Variants in PPAN observed in about 807,000 individuals in gnomAD.
The protein encoded by PPAN is peter pan homolog.
PPAN carries 39 observed loss-of-function variants against 48.5 expected under a neutral mutation model. The observed-to-expected ratio is 0.80, with a 90% CI of 0.62 to 1.05. The LOEUF (loss-of-function observed/expected upper bound fraction) is 1.05, where lower values mean the gene tolerates loss of function less well. Ranked by LOEUF, PPAN falls within the 50% of genes least tolerant of loss-of-function variation. The pLI is 0.00. For missense variants in PPAN, 736 were observed against 661.7 expected (o/e 1.11, Z -1.23); for synonymous variants, 315 against 268.6 (o/e 1.17, Z -1.69).
chr19:10,110,124 G>T lies in PPAN; in HGVS notation c.700G>T (p.Gly234Cys). The change falls in exon 8 of 12, where the codon GGC becomes TGC. Residue 234 changes from glycine (G) to cysteine (C), a missense_variant and splice_region_variant. Gly to Cys is a radical substitution (Grantham distance 159). Transcript: ENST00000253107. This position sits in a 1 kb window ranked among gnomAD's most constrained non-coding sequence, Gnocchi z 5.9. ...AGCCCTGTTATGTCCTACACACAGG[G>T]GCGCGGGGCTGTCGGAGAGCGAGGC... ...LQDISELLAT[G>C]AGLSESEAEP... 1.2e-6 allele frequency: 2 copies of T among 1,611,060 alleles called. No homozygotes were observed. Among genetic ancestry groups the T allele is most frequent in the Non-Finnish European group, 1.7e-6 (2 of 1,179,886 alleles).
Position 10,108,110 on chromosome 19 carries a change from G to T in PPAN, c.489G>T (p.Leu163=), listed in dbSNP as rs2088899767. Residue 163 remains leucine (L), a synonymous_variant, in exon 5 of 12, where the codon CTG becomes CTT. Transcript: ENST00000253107. ...TCATGGCCACCATGTTCCAGAACCT[G>T]TTCCCCTCCATCAACGTGCACAAGG... ...VKLMATMFQN[L]FPSINVHKVN... 22 of 1,612,700 alleles carry T rather than the reference G, an allele frequency of 1.4e-5. No individual in the cohort carries two copies. Among genetic ancestry groups the T allele is most frequent in the Non-Finnish European group, 1.9e-5 (22 of 1,179,280 alleles).
rs775091128 is a variant in PPAN, at chr19:10,110,683, A to G, written c.1032-14A>G. On this transcript the variant is annotated splice_polypyrimidine_tract_variant and intron_variant, in intron 10 of 11. Coordinates refer to ENST00000253107, the MANE Select transcript of PPAN (RefSeq NM_020230.7). The surrounding 1 kb of genome is among the most constrained non-coding windows in gnomAD (Gnocchi z 5.9). ...GGGATGGGCGGCTATGTTGACCCCCACGCCCTCCTCCAGAAAGAAGAGCCT... is the reference window on the plus strand; with the variant it reads ...GGGATGGGCGGCTATGTTGACCCCCGCGCCCTCCTCCAGAAAGAAGAGCCT... 6.2e-7 allele frequency: 1 copy of G among 1,612,882 alleles called. No homozygotes were observed. The highest frequency in any genetic ancestry group is 2.2e-5 in the East Asian group (1 of 44,834).
rs570028340 is a variant in PPAN, at chr19:10,111,467, A to T, written c.*302A>T. The T allele has an allele frequency of 1.6e-6, 1 of 619,180 alleles. No individual in the cohort carries two copies. Among genetic ancestry groups the T allele is most frequent in the Non-Finnish European group, 2.8e-6 (1 of 353,324 alleles). 38.4% of individuals were successfully genotyped at this position (619,180 alleles called of 1,614,324 possible). A position where few individuals can be genotyped will look rare whatever the true frequency, so the allele number is the denominator to read the frequency against. ...TTCATTGGTGGCAGCAGCAGCCATG[A>T]GTGGCCCCTCCCCCCAGTCCCACCA... On this transcript the variant is annotated 3_prime_UTR_variant, in exon 12 of 12. Coordinates refer to ENST00000253107, the MANE Select transcript of PPAN (RefSeq NM_020230.7).
chr19:10,106,566 C>T lies in PPAN; in HGVS notation c.84C>T (p.Asn28=), dbSNP rs771593184. 98 of 1,553,296 alleles carry T rather than the reference C, an allele frequency of 6.3e-5. 1 individual carries two copies. In the South Asian group the frequency reaches 1.1e-3, roughly 17 times the overall value. ...QLRNLEAYAA[N]PHSFVFTRGC... ...GCAACCTCGAGGCCTATGCCGCGAA[C>T]CCGCACTCGTTCGTGTTCACGCGAG... The change falls in exon 2 of 12, where the codon AAC becomes AAT. Residue 28 remains asparagine, a synonymous_variant. Transcript: ENST00000253107.
rs144050883 is a variant in PPAN, at chr19:10,110,956, G to A, written c.1213G>A (p.Glu405Lys). ...GTCTCTCCCCACAGACCTGTTCCCC[G>A]AGGCCAAGCAGAAACGGCTTGCCAA... ...GEAPSEDLFP[E>K]AKQKRLAKSP... is the part of the protein sequence containing the mutation. The change falls in exon 12 of 12, where the codon GAG becomes AAG. Residue 405 changes from glutamate (E) to lysine (K), a missense_variant. Glu to Lys is a moderately conservative substitution (Grantham distance 56, BLOSUM62 1). Coordinates refer to ENST00000253107, the MANE Select transcript of PPAN (RefSeq NM_020230.7). The surrounding 1 kb of genome is among the most constrained non-coding windows in gnomAD (Gnocchi z 5.9). 79 of 1,613,360 alleles carry A rather than the reference G, an allele frequency of 4.9e-5. No individual in the cohort carries two copies. The East Asian group carries it at 1.1e-3, about 23-fold the overall frequency.
rs756634889 is a variant in PPAN at position 10,111,687 on chromosome 19, G to A, written c.*522G>A. On this transcript the variant is annotated 3_prime_UTR_variant, in exon 12 of 12. Transcript: ENST00000253107. ...GACTGGGGGAGGGGCTGGGGAACTG[G>A]GTAGCAGACACAGGCTGAGGATCGG... 1.1e-5 allele frequency: 18 copies of A among 1,613,646 alleles called. No individual in the cohort carries two copies. The highest frequency in any genetic ancestry group is 1.5e-5 in the Non-Finnish European group (18 of 1,179,864).
intron 2 of PPAN, 114 bp downstream of exon 2, chr19:10,106,785 A>G: frequency 7.1e-7 from 1 of 1,414,162 alleles, no homozygotes; most frequent in Non-Finnish European, 9.3e-7. Context: ...CAGCTGGAAA[A>G]AAAGACCCTC....
chr19:10,109,014 T>C (rs1053371053), intron 5 of PPAN, among the ~76,000 whole-genome samples: 3 of 148,322 alleles, frequency 2.0e-5, no homozygotes, highest in African/African-American at 7.5e-5. Context: ...CAGGCTGGAG[T>C]GCGGTGGCAC....
In PPAN at chr19:10,106,642, A is replaced by T. The variant is rs957207014; in HGVS notation, c.160A>T (p.Met54Leu). Residue 54 changes from methionine to leucine, a missense_variant, in exon 2 of 12, where the codon ATG (methionine) becomes TTG (leucine). By Grantham distance (15) the Met-to-Leu change is conservative. Coordinates refer to ENST00000253107, the MANE Select transcript of PPAN (RefSeq NM_020230.7). ...RQLSLDVRRV[M>L]EPLTASRLQV... ...GCTCAGCCTGGACGTGCGGCGGGTC[A>T]TGGAGCCGCTCACTGCCAGCCGTCT... 6.5e-7 allele frequency: 1 copy of T among 1,544,070 alleles called. No homozygotes were observed. The highest frequency in any genetic ancestry group is 2.4e-5 in the East Asian group (1 of 41,504).
At chr19:10,107,461 A>G (rs759791644) in intron 2 of PPAN, 44 bp from the exon 3 acceptor site, 3 of 1,597,784 alleles carry the variant, frequency 1.9e-6, no homozygotes, top group Non-Finnish European at 2.6e-6. Flanking sequence ...TTGTCACAAC[A>G]AGGGATAAGC....
Position 10,111,797 on chromosome 19 carries a change from G to T in PPAN, c.*632G>T. On this transcript the variant is annotated 3_prime_UTR_variant, in exon 12 of 12. Transcript: ENST00000253107. Reference sequence around the variant, plus strand: ...GGTCTGCAGATTGTCAGGAGGTGGGGGTAGTGGGTATTGGTAAAACACCTA... The same window carrying T: ...GGTCTGCAGATTGTCAGGAGGTGGGTGTAGTGGGTATTGGTAAAACACCTA... 6.2e-7 allele frequency: 1 copy of T among 1,601,428 alleles called. No homozygotes were observed. The highest frequency in any genetic ancestry group is 8.5e-7 in the Non-Finnish European group (1 of 1,169,940).
In PPAN at chr19:10,110,843, C is replaced by T. The variant is rs752396165; in HGVS notation, c.1178C>T (p.Ala393Val). 14 of 1,613,762 alleles carry T rather than the reference C, an allele frequency of 8.7e-6. No individual in the cohort carries two copies. Among genetic ancestry groups the T allele is most frequent in the African/African-American group, 4.0e-5 (3 of 74,876 alleles). ...GATGACATCGAGTATTTCTGCCAGGCGGTGGGCGAGGCGCCCAGTGAGGGT... is the reference window on the plus strand; with the variant it reads ...GATGACATCGAGTATTTCTGCCAGGTGGTGGGCGAGGCGCCCAGTGAGGGT... ...EDDDIEYFCQ[A>V]VGEAPSEDLF... The change falls in exon 11 of 12, where the codon GCG (alanine) becomes GTG (valine). Residue 393 changes from alanine to valine, a missense_variant. By Grantham distance (64) the Ala-to-Val change is moderately conservative. Transcript: ENST00000253107. This position sits in a 1 kb window ranked among gnomAD's most constrained non-coding sequence, Gnocchi z 5.9.
chr19:10,111,320 T>TG lies in PPAN; in HGVS notation c.*160dup. The TG allele has an allele frequency of 3.2e-6, 3 of 951,282 alleles. No individual in the cohort carries two copies. Among genetic ancestry groups the TG allele is most frequent in the Non-Finnish European group, 4.6e-6 (3 of 659,128 alleles). The allele number at this position is 951,282 out of a possible 1,614,324, so 58.9% of individuals were successfully genotyped here. A position where few individuals can be genotyped will look rare whatever the true frequency, so the allele number is the denominator to read the frequency against. ...CAGGGGTCCACGTCAGCGTTTGGGA[T>TG]GGGGGATTCTGGAGCCATACAAAGC... On this transcript the variant is annotated 3_prime_UTR_variant, in exon 12 of 12. Transcript: ENST00000253107.
Position 10,107,555 on chromosome 19 carries a change from C to T in PPAN, c.240C>T (p.Leu80=), listed in dbSNP as rs536987338. 41 of 1,614,110 alleles carry T rather than the reference C, an allele frequency of 2.5e-5. No homozygotes were observed. Among genetic ancestry groups the T allele is most frequent in the Non-Finnish European group, 2.5e-5 (30 of 1,180,030 alleles). The part of the protein sequence containing the change: ...LKDCVAVAGP[L]GVTHFLILSK... Reference sequence around the variant, plus strand: ...ACTGCGTGGCAGTGGCTGGGCCCCTCGGGGTCACACACTTTCTGATCCTGA... The same window carrying T: ...ACTGCGTGGCAGTGGCTGGGCCCCTTGGGGTCACACACTTTCTGATCCTGA... The change falls in exon 3 of 12, where the codon CTC becomes CTT. Residue 80 remains leucine, a synonymous_variant. Coordinates refer to ENST00000253107, the MANE Select transcript of PPAN (RefSeq NM_020230.7).
Position 10,110,956 on chromosome 19 carries a change from G to C in PPAN, c.1213G>C (p.Glu405Gln), listed in dbSNP as rs144050883. Residue 405 changes from glutamate to glutamine, a missense_variant, in exon 12 of 12, where the codon GAG (glutamate) becomes CAG (glutamine). Glu to Gln is a conservative substitution (Grantham distance 29). Transcript: ENST00000253107. The surrounding 1 kb of genome is among the most constrained non-coding windows in gnomAD (Gnocchi z 5.9). ...GEAPSEDLFP[E>Q]AKQKRLAKSP... is the part of the protein sequence containing the mutation. Reference sequence around the variant, plus strand: ...GTCTCTCCCCACAGACCTGTTCCCCGAGGCCAAGCAGAAACGGCTTGCCAA... The same window carrying C: ...GTCTCTCCCCACAGACCTGTTCCCCCAGGCCAAGCAGAAACGGCTTGCCAA... 739 of 1,613,360 alleles carry C rather than the reference G, an allele frequency of 4.6e-4. 2 individuals are homozygous for C. The highest frequency in any genetic ancestry group is 5.7e-4 in the Non-Finnish European group (678 of 1,179,918).
chr19:10,106,818 T>C, intron 2 of PPAN, 147 bp downstream of exon 2: 5 of 1,305,050 alleles, frequency 3.8e-6, no homozygotes, highest in Non-Finnish European at 5.1e-6. Flanking sequence ...ATTTCTGCCT[T>C]TCAGGGCTTT....
intron 4 of PPAN, 42 bp downstream of exon 4, chr19:10,107,896 G>A (rs746362353): frequency 6.2e-6 from 10 of 1,606,536 alleles, no homozygotes; most frequent in South Asian, 1.1e-5. Flanking sequence ...TGGGGTGGGA[G>A]CTGGACTTGG....
In PPAN at chr19:10,110,315, T is replaced by TC. The variant is rs2089003175; in HGVS notation, c.823-5dup. On this transcript the variant is annotated splice_polypyrimidine_tract_variant and intron_variant, in intron 8 of 11. Coordinates refer to ENST00000253107, the MANE Select transcript of PPAN (RefSeq NM_020230.7). The surrounding 1 kb of genome is among the most constrained non-coding windows in gnomAD (Gnocchi z 5.9). ...ACGGTGGGCTGACGCTTCTTCCTCG[T>TC]CCCCTCAGATCGGCCCGCGGATGAC... 6.2e-7 allele frequency: 1 copy of TC among 1,613,276 alleles called. No homozygotes were observed. Among genetic ancestry groups the TC allele is most frequent in the Non-Finnish European group, 8.5e-7 (1 of 1,179,902 alleles).
In PPAN at chr19:10,106,541, G is replaced by A. The variant is rs1346389102; in HGVS notation, c.59G>A (p.Arg20His). The change falls in exon 2 of 12, where the codon CGC becomes CAC. Residue 20 changes from arginine to histidine, a missense_variant. Coordinates refer to ENST00000253107, the MANE Select transcript of PPAN (RefSeq NM_020230.7). Reference sequence around the variant, plus strand: ...CGCGCCCGCGCCCAGGCGCAGCTCCGCAACCTCGAGGCCTATGCCGCGAAC... The same window carrying A: ...CGCGCCCGCGCCCAGGCGCAGCTCCACAACCTCGAGGCCTATGCCGCGAAC... ...QKRARAQAQL[R>H]NLEAYAANPH... The A allele has an allele frequency of 6.4e-7, 1 of 1,553,842 alleles. No individual in the cohort carries two copies. The highest frequency in any genetic ancestry group is 1.9e-5 in the Admixed American group (1 of 51,600).
Sources: allele counts gnomAD v4.1 joint callset (sites outside exome capture counted in the v4.1 genomes callset), GRCh38; gene constraint gnomAD v4.1.1; non-coding constraint Gnocchi (gnomAD v3.1); transcripts MANE v1.5; gene names NCBI Gene and HGNC (gene_info 2026-07-23, HGNC 2026-07-21).